RTTN: variants seen among roughly 807,000 people sequenced by gnomAD.
RTTN encodes the protein rotatin.
Under a neutral mutation model 269.2 loss-of-function variants are expected in RTTN, and 182 were observed. That is an observed-to-expected ratio of 0.68 (90% CI 0.60 to 0.76). The LOEUF is 0.76. RTTN is among the 30% of genes least tolerant of loss of function. The probability of loss-of-function intolerance (pLI) is 0.00; values close to 1 mark genes in which losing one functional copy is unlikely to be tolerated. For synonymous variants in RTTN, 1,006 were observed against 963.5 expected, an observed-to-expected ratio of 1.04 and a Z score of -0.82; for missense variants, 2,545 against 2,608.6, an observed-to-expected ratio of 0.98 and a Z score of 0.53.
intron 28 of RTTN, among the ~76,000 whole-genome samples, chr18:70,105,233 A>C (rs1293442941): frequency 6.6e-6 from 1 of 152,164 alleles, no homozygotes; most frequent in Non-Finnish European, 1.5e-5. Context: ...GCCACCTTGC[A>C]GTTCGATCTC....
chr18:70,112,202 T>C (rs1393069398), intron 27 of RTTN, among the ~76,000 whole-genome samples: 1 of 152,126 alleles, frequency 6.6e-6, no homozygotes. Flanking sequence ...TGCAAAAGCA[T>C]ACCAAATTGT....
In RTTN at chr18:70,185,070, A is replaced by G. The variant is rs531645795; in HGVS notation, c.1305+3038T>C. Among the ~76,000 whole-genome samples the G allele has an allele frequency of 3.3e-5, 5 of 152,254 alleles. 1 individual carries two copies. Among genetic ancestry groups the G allele is most frequent in the African/African-American group, 7.2e-5 (3 of 41,548 alleles). On this transcript the variant is annotated intron_variant, in intron 10 of 48. Transcript: ENST00000640769. The stretch of plus-strand genomic sequence containing the variant: ...AAATAGATTCCAGAAGTAAACCCAC[A>G]TATAGTTAGTTGGTAAGGAATTCAG...
At chr18:70,089,446 T>C (rs908039601) in intron 30 of RTTN, among the ~76,000 whole-genome samples, 2 of 152,244 alleles carry the variant, frequency 1.3e-5, no homozygotes, top group Non-Finnish European at 2.9e-5. Context: ...AATAAATTTC[T>C]GTTTTTAAGC....
intron 12 of RTTN, among the ~76,000 whole-genome samples, chr18:70,167,377 T>C (rs552330701): frequency 1.4e-4 from 22 of 152,326 alleles, no homozygotes; most frequent in South Asian, 4.1e-4. Context: ...CTGCCTCTTG[T>C]AGCAGCCTGA....
At chr18:70,019,804 T>G (rs1004180046) in intron 45 of RTTN, 2 of 152,182 alleles carry the variant, frequency 1.3e-5, no homozygotes, top group Non-Finnish European at 2.9e-5. Context: ...AAGACCGAAC[T>G]TTCTATTTAT....
rs1356574047 is a variant in RTTN, at chr18:70,088,108, T to C, written c.4183A>G (p.Thr1395Ala). ...TSLGLGSALT[T>A]LETGCVALAN... ...AAGGCCACACAGCCCGTTTCAAGGG[T>C]GGTCAGTGCTGATCCTAATCCCAGT... Residue 1395 changes from threonine (T) to alanine (A), a missense_variant, in exon 31 of 49, where the codon ACC becomes GCC. By Grantham distance (58) the Thr-to-Ala change is moderately conservative (BLOSUM62 0). Transcript: ENST00000640769. The C allele has an allele frequency of 1.2e-6, 2 of 1,613,878 alleles. No individual in the cohort carries two copies. Among genetic ancestry groups the C allele is most frequent in the Non-Finnish European group, 8.5e-7 (1 of 1,179,884 alleles).
rs375510822 is a variant in RTTN at position 70,109,696 on chromosome 18, G to A, written c.3705C>T (p.Tyr1235=). The change falls in exon 28 of 49, where the codon TAC becomes TAT. Residue 1235 remains tyrosine (Y), a synonymous_variant. Coordinates refer to ENST00000640769, the MANE Select transcript of RTTN (RefSeq NM_173630.4). The part of the protein sequence containing the change: ...VTDRKCSELL[Y]VFQTQLALKL... Reference sequence around the variant, plus strand: ...TCAGAGCCAGCTGCGTTTGAAAAACGTAAAGAAGTTCCGAGCATTTCCTAT... The same window carrying A: ...TCAGAGCCAGCTGCGTTTGAAAAACATAAAGAAGTTCCGAGCATTTCCTAT... 27 of 1,613,876 alleles carry A rather than the reference G, an allele frequency of 1.7e-5. No individual in the cohort carries two copies. Among genetic ancestry groups the A allele is most frequent in the Admixed American group, 1.0e-4 (6 of 59,988 alleles).
In RTTN at chr18:70,003,791, AATT is replaced by A. The variant is rs1229951189; in HGVS notation, c.*357_*359del. The A allele has an allele frequency of 1.3e-5, 2 of 159,242 alleles. No individual in the cohort carries two copies. Among genetic ancestry groups the A allele is most frequent in the African/African-American group, 4.8e-5 (2 of 41,692 alleles). The allele number at this position is 159,242 out of a possible 1,614,324, so 9.9% of individuals were successfully genotyped here. ...AGACTGATAAAAGTCTGTAAGCAGC[AATT>A]ATTAGTCAATTTTTAGTTTCTAAAA... On this transcript the variant is annotated 3_prime_UTR_variant, in exon 49 of 49. Coordinates refer to ENST00000640769, the MANE Select transcript of RTTN (RefSeq NM_173630.4).
intron 46 of RTTN, among the ~76,000 whole-genome samples, chr18:70,014,819 G>A (rs770670465): frequency 5.3e-5 from 8 of 152,126 alleles, no homozygotes; most frequent in Middle Eastern, 3.2e-3. Context: ...GGGGAATCGC[G>A]GCTTCTGTCC....
intron 37 of RTTN, among the ~76,000 whole-genome samples, chr18:70,055,785 T>C (rs1032669656): frequency 6.6e-6 from 1 of 152,224 alleles, no homozygotes; most frequent in Non-Finnish European, 1.5e-5. Context: ...AATATTCATA[T>C]CTTAAGAGTA....
chr18:70,057,494 C>T (rs1389676172), intron 37 of RTTN, among the ~76,000 whole-genome samples: 2 of 152,172 alleles, frequency 1.3e-5, no homozygotes, highest in Non-Finnish European at 2.9e-5. Context: ...GACACTTGAT[C>T]ATACATTTAA....
intron 27 of RTTN, among the ~76,000 whole-genome samples, 153 bp from the exon 28 acceptor site, chr18:70,109,870 C>T (rs1407629203): frequency 6.6e-6 from 1 of 151,760 alleles, no homozygotes; most frequent in Admixed American, 6.6e-5. Context: ...CAAAATGAGA[C>T]TTTTCAAGGA....
intron 23 of RTTN, chr18:70,128,786 T>G (rs542668542): frequency 2.7e-6 from 1 of 376,580 alleles, no homozygotes; most frequent in Non-Finnish European, 4.9e-6. Context: ...CATTCTATGC[T>G]ATATTAGAGT....
At position 70,134,505 on chromosome 18, in the gene RTTN, C is replaced by T. The variant is rs199893947; in HGVS notation, c.2922G>A (p.Ser974=). ...AAACGGAAACAGGCAAACTGAAGAC[C>T]GATGGCAAAGAAGGTTTATTGGAAG... ...VNPSNKPSLP[S]VFSLPVSVFR... is the part of the protein sequence containing the mutation. The change falls in exon 23 of 49, where the codon TCG becomes TCA. Residue 974 remains serine, a synonymous_variant. Coordinates refer to ENST00000640769, the MANE Select transcript of RTTN (RefSeq NM_173630.4). 17 of 1,609,372 alleles carry T rather than the reference C, an allele frequency of 1.1e-5. No individual in the cohort carries two copies. The highest frequency in any genetic ancestry group is 1.1e-5 in the South Asian group (1 of 90,366).
At position 70,030,046 on chromosome 18, in the gene RTTN, G is replaced by A; in HGVS notation, c.5711C>T (p.Ser1904Phe). The change falls in exon 42 of 49, where the codon TCT becomes TTT. Residue 1904 changes from serine to phenylalanine, a missense_variant. By Grantham distance (155) the Ser-to-Phe change is radical. Transcript: ENST00000640769. ...CAATGCTGCTTTCCCAGGCCTCAGA[G>A]AATCTAGGTTCAGTTGTGCATTTAT... ...KHINAQLNLDSLRPGKAALKK... is the reference protein window; with the variant it reads ...KHINAQLNLDFLRPGKAALKK... 6.2e-7 allele frequency: 1 copy of A among 1,612,800 alleles called. No homozygotes were observed. Among genetic ancestry groups the A allele is most frequent in the Non-Finnish European group, 8.5e-7 (1 of 1,179,546 alleles).
chr18:70,174,061 G>A (rs2061219617), intron 11 of RTTN, among the ~76,000 whole-genome samples: 2 of 151,624 alleles, frequency 1.3e-5, no homozygotes, highest in Non-Finnish European at 2.9e-5. Context: ...TTTCTGTTAT[G>A]GGGGTGGTCA....
intron 19 of RTTN, among the ~76,000 whole-genome samples, chr18:70,140,415 A>C (rs1288377863): frequency 6.6e-6 from 1 of 152,184 alleles, no homozygotes; most frequent in African/African-American, 2.4e-5. Context: ...CACATAAAAT[A>C]CAAAACTATA....
chr18:70,015,720 A>G (rs1228056320), intron 46 of RTTN, among the ~76,000 whole-genome samples: 1 of 152,190 alleles, frequency 6.6e-6, no homozygotes, highest in African/African-American at 2.4e-5. Flanking sequence ...AAATGCTAAA[A>G]ATAATTCTAG....
chr18:70,005,908 A>T (rs372249060), intron 47 of RTTN: 4 of 155,310 alleles, frequency 2.6e-5, no homozygotes, highest in African/African-American at 9.6e-5. Context: ...GTGGAAGTCC[A>T]AAGGCCAGAG....
Sources: gnomAD v4.1 joint callset for allele counts (sites outside exome capture counted in the v4.1 genomes callset) on GRCh38, gnomAD v4.1.1 for gene constraint, MANE v1.5 for transcripts, NCBI Gene and HGNC (gene_info 2026-07-23, HGNC 2026-07-21) for gene names.